ERC1: variants seen among roughly 807,000 people sequenced by gnomAD.
The protein encoded by ERC1 is ELKS/RAB6-interacting/CAST family member 1, also known as RAB6 interacting protein 2.
A neutral mutation model predicts 132.0 loss-of-function variants in ERC1; 56 were observed. The observed-to-expected ratio is 0.42, with a 90% CI of 0.34 to 0.53. ERC1 has a LOEUF of 0.53. Among genes scored for constraint, ERC1 ranks in the 20% least tolerant of loss-of-function variants. ERC1 has a pLI of 0.03. For synonymous variants in ERC1, 478 were observed against 476.1 expected, an observed-to-expected ratio of 1.00 and a Z score of -0.05; for missense variants, 1,202 against 1,349.9, an observed-to-expected ratio of 0.89 and a Z score of 1.72.
chr12:1,331,575 T>G (rs2082864080), intron 15 of ERC1, among the ~76,000 whole-genome samples: 1 of 152,174 alleles, frequency 6.6e-6, no homozygotes, highest in Non-Finnish European at 1.5e-5. Flanking sequence ...TGGTTCTGTT[T>G]CTGTTCTTGA....
intron 3 of ERC1, among the ~76,000 whole-genome samples, chr12:1,097,532 A>G (rs8181744): frequency 0.93 from 141,943 of 152,028 alleles, 66,647 homozygotes; most frequent in East Asian, 0.99. Context: ...TCAGGTAGTT[A>G]CTCAACTCAT....
chr12:1,110,919 G>T (rs1945784915), intron 5 of ERC1, among the ~76,000 whole-genome samples: 2 of 152,008 alleles, frequency 1.3e-5, no homozygotes, highest in Admixed American at 1.3e-4. Flanking sequence ...GGCCTGGCTG[G>T]TCTTGAACTC....
intron 2 of ERC1, among the ~76,000 whole-genome samples, chr12:1,036,374 CTTTTT>C (rs759834824): frequency 1.5e-5 from 2 of 136,204 alleles, no homozygotes; most frequent in Non-Finnish European, 1.6e-5. Flanking sequence ...ATTAAATAAA[CTTTTT>C]TTTTTTTTTT....
At chr12:1,464,732 G>C (rs1400567455) in intron 18 of ERC1, among the ~76,000 whole-genome samples, 1 of 151,700 alleles carries the variant, frequency 6.6e-6, no homozygotes, top group Non-Finnish European at 1.5e-5. Flanking sequence ...GTGTTAGCCA[G>C]GGTGGTCTCG....
chr12:1,307,065 C>G (rs2080936937), intron 15 of ERC1, among the ~76,000 whole-genome samples: 1 of 152,168 alleles, frequency 6.6e-6, no homozygotes, highest in African/African-American at 2.4e-5. Context: ...TCATTTGTGT[C>G]TCATCTCTTT....
intron 2 of ERC1, among the ~76,000 whole-genome samples, chr12:1,038,430 C>T (rs1045226639): frequency 6.6e-6 from 1 of 151,308 alleles, no homozygotes; most frequent in South Asian, 2.1e-4. Flanking sequence ...GGTGGGATCT[C>T]GGCTCACTGC....
chr12:1,153,389 G>C (rs1951012339), intron 8 of ERC1, among the ~76,000 whole-genome samples: 1 of 152,218 alleles, frequency 6.6e-6, no homozygotes, highest in Non-Finnish European at 1.5e-5. Context: ...TCTTTTTAAG[G>C]CTTGAGACTT....
intron 15 of ERC1, among the ~76,000 whole-genome samples, chr12:1,304,863 C>G (rs1215889303): frequency 2.9e-5 from 4 of 135,948 alleles, no homozygotes; most frequent in East Asian, 2.3e-4. Context: ...GATCTCGGCT[C>G]ACTGCAAGCT....
At chr12:1,185,141 C>T (rs1024358338) in intron 11 of ERC1, among the ~76,000 whole-genome samples, 1 of 152,052 alleles carries the variant, frequency 6.6e-6, no homozygotes, top group Non-Finnish European at 1.5e-5. Context: ...AAACTCCTGA[C>T]CTCATGATCC....
At chr12:1,188,069 T>G (rs1955306413) in intron 11 of ERC1, among the ~76,000 whole-genome samples, 1 of 152,180 alleles carries the variant, frequency 6.6e-6, no homozygotes, top group African/African-American at 2.4e-5. Context: ...AATAAATAAT[T>G]TATAATAAAT....
intron 1 of ERC1, among the ~76,000 whole-genome samples, chr12:1,000,860 T>G (rs1056188731): frequency 2.0e-5 from 3 of 152,230 alleles, no homozygotes; most frequent in Admixed American, 6.5e-5. Context: ...ACTTACCTTT[T>G]GAAGGAATTC....
chr12:1,006,243 C>T (rs900793442), intron 1 of ERC1, among the ~76,000 whole-genome samples: 6 of 152,136 alleles, frequency 3.9e-5, no homozygotes, highest in African/African-American at 1.2e-4. Flanking sequence ...AGGCATGAAC[C>T]ACTGCACCTG....
intron 8 of ERC1, among the ~76,000 whole-genome samples, chr12:1,171,783 G>C (rs750219965): frequency 6.6e-6 from 1 of 152,156 alleles, no homozygotes; most frequent in Non-Finnish European, 1.5e-5. Flanking sequence ...TCTCTTCTGC[G>C]TTTGCCCAGT....
At chr12:1,330,343 T>TA (rs1440545864) in intron 15 of ERC1, among the ~76,000 whole-genome samples, 1 of 152,226 alleles carries the variant, frequency 6.6e-6, no homozygotes, top group Non-Finnish European at 1.5e-5. Flanking sequence ...CTCAGAACTT[T>TA]AGACTCATAA....
At chr12:1,467,584 A>G (rs1189167606) in intron 18 of ERC1, among the ~76,000 whole-genome samples, 1 of 152,192 alleles carries the variant, frequency 6.6e-6, no homozygotes, top group Non-Finnish European at 1.5e-5. Flanking sequence ...GTTTCACAGA[A>G]GGCAGTTTTT....
intron 5 of ERC1, among the ~76,000 whole-genome samples, chr12:1,111,106 A>G (rs1024907456): frequency 6.6e-6 from 1 of 152,066 alleles, no homozygotes; most frequent in East Asian, 1.9e-4. Flanking sequence ...TGTGGGGAAG[A>G]TCCACTTGCT....
intron 2 of ERC1, among the ~76,000 whole-genome samples, chr12:1,038,299 C>A (rs1969493787): frequency 6.6e-6 from 1 of 152,084 alleles, no homozygotes; most frequent in South Asian, 2.1e-4. Context: ...CCCTCCCCAT[C>A]TCCTTTCCTT....
At chr12:1,331,991 T>C (rs1414797182) in intron 15 of ERC1, among the ~76,000 whole-genome samples, 2 of 152,246 alleles carry the variant, frequency 1.3e-5, no homozygotes, top group Non-Finnish European at 2.9e-5. Flanking sequence ...TATGACTTCT[T>C]TTTTTCTTCC....
chr12:1,476,901 G>T (rs1009523512), intron 18 of ERC1, among the ~76,000 whole-genome samples: 1 of 152,108 alleles, frequency 6.6e-6, no homozygotes, highest in African/African-American at 2.4e-5. Context: ...TAATAAAATG[G>T]ATTACAATGC....
Sources: allele counts gnomAD v4.1 joint callset (sites outside exome capture counted in the v4.1 genomes callset), GRCh38; gene constraint gnomAD v4.1.1; transcripts MANE v1.5; gene names NCBI Gene and HGNC (gene_info 2026-07-23, HGNC 2026-07-21).